RABGAP1L: variants seen among roughly 807,000 people sequenced by gnomAD.
RABGAP1L encodes RAB GTPase activating protein 1 like.
Under a neutral mutation model 137.7 loss-of-function variants are expected in RABGAP1L, and 63 were observed. That is an observed-to-expected ratio of 0.46 (90% confidence interval 0.37 to 0.56). RABGAP1L has a LOEUF of 0.56. RABGAP1L is among the 20% of genes least tolerant of loss of function. RABGAP1L has a pLI of 0.00. For missense variants in RABGAP1L, 1,095 were observed against 1,244.0 expected, an observed-to-expected ratio of 0.88 and a Z score of 1.80; for synonymous variants, 431 against 433.7, an observed-to-expected ratio of 0.99 and a Z score of 0.08.
chr1:174,614,926 C>T (rs900269420), intron 13 of RABGAP1L, among the ~76,000 whole-genome samples: 11 of 152,236 alleles, frequency 7.2e-5, no homozygotes, highest in Non-Finnish European at 1.6e-4. Context: ...CTTTCAGCTC[C>T]ATCAGCTCCT....
At chr1:174,746,270 T>G (rs183823307) in intron 17 of RABGAP1L, among the ~76,000 whole-genome samples, 1 of 152,292 alleles carries the variant, frequency 6.6e-6, no homozygotes, top group African/African-American at 2.4e-5. Flanking sequence ...GGCAATTACT[T>G]GTAGGTGTTC....
At chr1:174,267,945 A>C (rs1195553781) in intron 7 of RABGAP1L, among the ~76,000 whole-genome samples, 1 of 152,186 alleles carries the variant, frequency 6.6e-6, no homozygotes, top group Non-Finnish European at 1.5e-5. Context: ...ACCACTGTAC[A>C]TAGTGACAAA....
At chr1:174,892,526 A>G (rs1409351672) in intron 19 of RABGAP1L, 4 of 512,426 alleles carry the variant, frequency 7.8e-6, no homozygotes, top group African/African-American at 2.0e-5. Flanking sequence ...AGTTTCTCCA[A>G]GTTTCAATAG....
At chr1:174,697,887 G>A (rs1679380704) in intron 15 of RABGAP1L, among the ~76,000 whole-genome samples, 1 of 152,086 alleles carries the variant, frequency 6.6e-6, no homozygotes, top group Admixed American at 6.5e-5. Flanking sequence ...ACAACTCATA[G>A]ATAAAAAGAA....
intron 19 of RABGAP1L, among the ~76,000 whole-genome samples, chr1:174,900,274 G>T (rs984533454): frequency 5.3e-5 from 8 of 152,188 alleles, no homozygotes; most frequent in African/African-American, 1.9e-4. Context: ...CCACAGTGTG[G>T]GAGCGGGCCT....
chr1:174,279,396 A>G (rs988175279), intron 10 of RABGAP1L, among the ~76,000 whole-genome samples: 2 of 152,212 alleles, frequency 1.3e-5, no homozygotes, highest in African/African-American at 2.4e-5. Flanking sequence ...TTTTTAAAAA[A>G]TCAGGATAAA....
intron 13 of RABGAP1L, chr1:174,548,642 A>G: frequency 1.2e-6 from 1 of 854,404 alleles, no homozygotes; most frequent in Non-Finnish European, 1.4e-6. Context: ...CCAATATTTC[A>G]GTATTTGGCT....
intron 14 of RABGAP1L, among the ~76,000 whole-genome samples, chr1:174,677,982 A>C: frequency 6.6e-6 from 1 of 152,158 alleles, no homozygotes; most frequent in African/African-American, 2.4e-5. Flanking sequence ...ATCTTTGAAA[A>C]GATTAATAAA....
intron 4 of RABGAP1L, among the ~76,000 whole-genome samples, chr1:174,239,151 G>C (rs190765654): frequency 1.2e-3 from 182 of 152,262 alleles, no homozygotes; most frequent in Admixed American, 2.4e-3. Context: ...GCACCAACTG[G>C]CCTGCGCCCA....
At chr1:174,977,102 C>T (rs917491401) in intron 22 of RABGAP1L, among the ~76,000 whole-genome samples, 1 of 152,146 alleles carries the variant, frequency 6.6e-6, no homozygotes, top group Non-Finnish European at 1.5e-5. Context: ...ACTTAAAGCA[C>T]AGCATAAAGC....
At chr1:174,646,534 T>C (rs1674980212) in intron 14 of RABGAP1L, among the ~76,000 whole-genome samples, 1 of 152,184 alleles carries the variant, frequency 6.6e-6, no homozygotes, top group South Asian at 2.1e-4. Context: ...TGTGTGGTGT[T>C]ATTTCTGAGG....
chr1:174,311,250 G>C (rs1053999907), intron 11 of RABGAP1L, among the ~76,000 whole-genome samples: 2 of 152,156 alleles, frequency 1.3e-5, no homozygotes, highest in Admixed American at 6.5e-5. Context: ...GGCGGCAGGA[G>C]AGAGAGTGAG....
At chr1:174,935,870 A>G (rs1664691644) in intron 19 of RABGAP1L, among the ~76,000 whole-genome samples, 1 of 151,522 alleles carries the variant, frequency 6.6e-6, no homozygotes, top group South Asian at 2.1e-4. Flanking sequence ...AATCCCAGCT[A>G]CTCAGAAGGC....
At chr1:174,463,243 C>T (rs1372091419) in intron 13 of RABGAP1L, among the ~76,000 whole-genome samples, 2 of 151,988 alleles carry the variant, frequency 1.3e-5, no homozygotes, top group Non-Finnish European at 2.9e-5. Flanking sequence ...TTCACAATAG[C>T]AAAGACTTGG....
intron 13 of RABGAP1L, among the ~76,000 whole-genome samples, chr1:174,620,758 A>G (rs928247562): frequency 1.2e-4 from 18 of 152,220 alleles, no homozygotes; most frequent in African/African-American, 4.3e-4. Context: ...TTCAAAAGCT[A>G]GCGGAAGGCA....
chr1:174,333,337 GA>G (rs1681200432), intron 11 of RABGAP1L, among the ~76,000 whole-genome samples: 1 of 152,078 alleles, frequency 6.6e-6, no homozygotes, highest in Admixed American at 6.6e-5. Context: ...TCCCAACAAA[GA>G]AATGATAAAT....
At chr1:174,771,406 G>A (rs982585533) in intron 18 of RABGAP1L, among the ~76,000 whole-genome samples, 2 of 151,988 alleles carry the variant, frequency 1.3e-5, no homozygotes, top group Non-Finnish European at 2.9e-5. Flanking sequence ...GAGTAGATAA[G>A]AATCTTTGTA....
At chr1:174,521,855 C>T (rs1039703859) in intron 13 of RABGAP1L, among the ~76,000 whole-genome samples, 8 of 152,076 alleles carry the variant, frequency 5.3e-5, no homozygotes, top group East Asian at 1.9e-4. Context: ...TTGAGGCGGG[C>T]GGATCAGGAG....
intron 13 of RABGAP1L, among the ~76,000 whole-genome samples, chr1:174,598,883 A>C (rs1271838305): frequency 6.6e-6 from 1 of 151,486 alleles, no homozygotes; most frequent in Non-Finnish European, 1.5e-5. Context: ...TTTTGATTGG[A>C]GACTTTAGTT....
Sources: allele counts gnomAD v4.1 joint callset (sites outside exome capture counted in the v4.1 genomes callset), GRCh38; gene constraint gnomAD v4.1.1; transcripts MANE v1.5; gene names NCBI Gene and HGNC (gene_info 2026-07-23, HGNC 2026-07-21).